Variants in ROS1 observed in about 807,000 individuals in gnomAD.
The protein encoded by ROS1 is proto-oncogene tyrosine-protein kinase ROS.
ROS1 carries 263 observed loss-of-function variants against 273.5 expected under a neutral mutation model. The ratio of observed to expected loss-of-function variants is 0.96; its 90% CI spans 0.87 to 1.06. The LOEUF (loss-of-function observed/expected upper bound fraction) is 1.06, where lower values mean the gene tolerates loss of function less well. ROS1 is among the 50% of genes least tolerant of loss of function. The pLI is 0.00. For missense variants in ROS1, 2,833 were observed against 2,751.1 expected, an observed-to-expected ratio of 1.03 and a Z score of -0.67; for synonymous variants, 1,008 against 954.1, an observed-to-expected ratio of 1.06 and a Z score of -1.04.
intron 21 of ROS1, among the ~76,000 whole-genome samples, chr6:117,363,233 T>C (rs924144260): frequency 3.9e-5 from 6 of 152,108 alleles, no homozygotes; most frequent in Admixed American, 3.9e-4. Context: ...TCAGTGAAGG[T>C]GAAAATGTCA....
chr6:117,404,483 G>A (rs1774235684), intron 5 of ROS1, 55 bp from the exon 6 acceptor site: 23 of 1,548,424 alleles, frequency 1.5e-5, no homozygotes, highest in Non-Finnish European at 2.0e-5. Context: ...CAGCGCAAGA[G>A]AGTGTGTGCC....
At position 117,394,279 on chromosome 6, in the gene ROS1, C is replaced by T. The variant is rs1338558322; in HGVS notation, c.1074G>A (p.Lys358=). Residue 358 remains lysine, a synonymous_variant, in exon 11 of 44, where the codon AAG becomes AAA. Coordinates refer to ENST00000368507, the MANE Select transcript of ROS1 (RefSeq NM_001378902.1). ...CAGATACATCAGACATGTTGGCAGC[C>T]TTCTTCGCCCATATGAGAGTTCCTT... ...FSEGTLIWAK[K]AANMSDVSDL... The T allele has an allele frequency of 6.2e-7, 1 of 1,610,360 alleles. No homozygotes were observed. Among genetic ancestry groups the T allele is most frequent in the African/African-American group, 1.3e-5 (1 of 74,764 alleles).
intron 18 of ROS1, among the ~76,000 whole-genome samples, chr6:117,377,449 A>G (rs554881291): frequency 2.0e-5 from 3 of 152,308 alleles, no homozygotes; most frequent in African/African-American, 7.2e-5. Flanking sequence ...CAACTAAATA[A>G]AGAAAGAGAA....
In ROS1 at chr6:117,425,422, ACTTCT is replaced by A. The variant is rs546230610; in HGVS notation, c.123+107_123+111del. On this transcript the variant is annotated intron_variant, in intron 1 of 43. Coordinates refer to ENST00000368507, the MANE Select transcript of ROS1 (RefSeq NM_001378902.1). The stretch of plus-strand genomic sequence containing the variant: ...TAATCTATCTTGCCTTGTTGCCACC[ACTTCT>A]CATAAGAAAACTCCTCATAAAGAGA... The A allele has an allele frequency of 6.8e-4, 721 of 1,067,590 alleles. 11 individuals carry two copies. The South Asian group carries it at 0.013, about 19-fold the overall frequency. 66.1% of individuals were successfully genotyped at this position (1,067,590 alleles called of 1,614,324 possible).
chr6:117,321,516 G>C (rs1025264013), intron 35 of ROS1, 122 bp from the exon 36 acceptor site: 40 of 785,354 alleles, frequency 5.1e-5, no homozygotes, highest in African/African-American at 8.8e-5. Flanking sequence ...AATAGTTATA[G>C]AAGTTTTCAT....
intron 21 of ROS1, 112 bp downstream of exon 21, chr6:117,364,948 T>C: frequency 8.7e-6 from 9 of 1,037,354 alleles, no homozygotes; most frequent in Non-Finnish European, 1.3e-5. Flanking sequence ...GTATTGAATC[T>C]AAACACATCT....
intron 18 of ROS1, among the ~76,000 whole-genome samples, chr6:117,366,978 C>T (rs2128663962): frequency 6.6e-6 from 1 of 152,320 alleles, no homozygotes; most frequent in Non-Finnish European, 1.5e-5. Flanking sequence ...ATTCTATGTG[C>T]TCCTACAACT....
chr6:117,290,862 T>C (rs1028286675), intron 43 of ROS1, among the ~76,000 whole-genome samples: 23 of 152,226 alleles, frequency 1.5e-4, no homozygotes, highest in African/African-American at 5.3e-4. Context: ...TCAATAGCTT[T>C]TCTTCTCTAC....
chr6:117,318,831 G>A (rs377550189), intron 37 of ROS1, among the ~76,000 whole-genome samples: 2 of 152,206 alleles, frequency 1.3e-5, no homozygotes, highest in African/African-American at 4.8e-5. Context: ...ATGAAGATGT[G>A]ATGCTTGCTT....
At chr6:117,346,415 AG>A (rs1177758652) in intron 27 of ROS1, among the ~76,000 whole-genome samples, 1 of 152,046 alleles carries the variant, frequency 6.6e-6, no homozygotes, top group Non-Finnish European at 1.5e-5. Flanking sequence ...CATTTTTTAA[AG>A]AAAATAATGA....
chr6:117,357,780 A>T, intron 25 of ROS1, 24 bp downstream of exon 25: 1 of 1,440,164 alleles, frequency 6.9e-7, no homozygotes, highest in Non-Finnish European at 9.7e-7. Context: ...ATCACAATAT[A>T]AAAAAATACT....
At position 117,292,221 on chromosome 6, in the gene ROS1, T is replaced by C. The variant is rs1026895429; in HGVS notation, c.6716-3419A>G. Reference sequence around the variant, plus strand: ...TTCTGACCTTGTGATCTGCCCGCCTTGGCCTCCCAAAGTGCTGGGATTACA... The same window carrying C: ...TTCTGACCTTGTGATCTGCCCGCCTCGGCCTCCCAAAGTGCTGGGATTACA... On this transcript the variant is annotated intron_variant, in intron 43 of 43. Coordinates refer to ENST00000368507, the MANE Select transcript of ROS1 (RefSeq NM_001378902.1). Among the ~76,000 whole-genome samples, 7 of 152,054 alleles carry C rather than the reference T, an allele frequency of 4.6e-5. No individual in the cohort carries two copies. The East Asian group carries it at 7.7e-4, about 17-fold the overall frequency.
chr6:117,382,888 C>T (rs1294528478), intron 17 of ROS1, among the ~76,000 whole-genome samples: 1 of 152,026 alleles, frequency 6.6e-6, no homozygotes, highest in African/African-American at 2.4e-5. Flanking sequence ...AAATCATTTG[C>T]CTAGTTTTTA....
At chr6:117,352,844 G>C in intron 27 of ROS1, 146 bp downstream of exon 27, 1 of 672,634 alleles carries the variant, frequency 1.5e-6, no homozygotes, top group Non-Finnish European at 2.5e-6. Flanking sequence ...AGCAATCACA[G>C]TGCACACAGA....
intron 18 of ROS1, among the ~76,000 whole-genome samples, chr6:117,372,498 C>T (rs116267652): frequency 0.014 from 2,180 of 152,260 alleles, 48 homozygotes; most frequent in African/African-American, 0.039. Flanking sequence ...CACAGACCCT[C>T]GTGGTGAGCG....
At chr6:117,308,957 T>G in intron 41 of ROS1, 29 bp from the exon 42 acceptor site, 1 of 1,603,074 alleles carries the variant, frequency 6.2e-7, no homozygotes, top group South Asian at 1.1e-5. Flanking sequence ...TTGCTTTAAT[T>G]ATACTTATTA....
At chr6:117,321,102 T>C (rs1776258207) in intron 36 of ROS1, 157 bp downstream of exon 36, 1 of 710,830 alleles carries the variant, frequency 1.4e-6, no homozygotes, top group Non-Finnish European at 2.2e-6. Flanking sequence ...CCATCCCAGG[T>C]CACATTTGAG....
chr6:117,389,288 C>T (rs1483887068), intron 13 of ROS1, 62 bp downstream of exon 13: 2 of 1,515,898 alleles, frequency 1.3e-6, no homozygotes, highest in Non-Finnish European at 1.8e-6. Context: ...CAACGCCAAG[C>T]AGTTCAAACC....
Position 117,341,329 on chromosome 6 carries a change from C to A in ROS1, c.4885-18G>T, listed in dbSNP as rs755713592. ...GCAAGAACCTTTTGGTAAAAAAGAA[C>A]AATTGCTTAACCTTTTGAGAGCCTT... On this transcript the variant is annotated intron_variant, in intron 30 of 43. Coordinates refer to ENST00000368507, the MANE Select transcript of ROS1 (RefSeq NM_001378902.1). 8 of 1,612,118 alleles carry A rather than the reference C, an allele frequency of 5.0e-6. No individual in the cohort carries two copies. Among genetic ancestry groups the A allele is most frequent in the Non-Finnish European group, 6.8e-6 (8 of 1,179,174 alleles).
Sources: gnomAD v4.1 joint callset for allele counts (sites outside exome capture counted in the v4.1 genomes callset) on GRCh38, gnomAD v4.1.1 for gene constraint, MANE v1.5 for transcripts, NCBI Gene and HGNC (gene_info 2026-07-23, HGNC 2026-07-21) for gene names.